Variants in TRA2A observed in about 807,000 individuals in gnomAD.
The protein encoded by TRA2A is transformer-2 protein homolog alpha.
Under a neutral mutation model 45.7 loss-of-function variants are expected in TRA2A, and 31 were observed. That is an observed-to-expected ratio of 0.68 (90% confidence interval 0.51 to 0.92). TRA2A has a LOEUF of 0.92. Among genes scored for constraint, TRA2A ranks in the 40% least tolerant of loss-of-function variants. The pLI is 0.00. For missense variants in TRA2A, 304 were observed against 367.5 expected, an observed-to-expected ratio of 0.83 and a Z score of 1.41; for synonymous variants, 132 against 126.2, an observed-to-expected ratio of 1.05 and a Z score of -0.31.
intron 1 of TRA2A, among the ~76,000 whole-genome samples, chr7:23,529,362 G>A (rs1422230494): frequency 6.6e-6 from 1 of 152,124 alleles, no homozygotes; most frequent in African/African-American, 2.4e-5. Context: ...CCAGGTTCAA[G>A]TAATTCTCCT....
Position 23,506,278 on chromosome 7 carries a change from T to C in TRA2A, c.642-12A>G. ...CACCCCCACCACTACTGCAGAAAAA[T>C]GTAAAAATTCTCCATTAGTGTGAAT... On this transcript the variant is annotated splice_polypyrimidine_tract_variant and intron_variant, in intron 5 of 7. Coordinates refer to ENST00000297071, the MANE Select transcript of TRA2A (RefSeq NM_013293.5). The C allele has an allele frequency of 2.6e-6, 4 of 1,557,650 alleles. No homozygotes were observed. Among genetic ancestry groups the C allele is most frequent in the Non-Finnish European group, 3.5e-6 (4 of 1,148,350 alleles).
In TRA2A at chr7:23,521,753, C is replaced by T. The variant is rs1790146748; in HGVS notation, c.124G>A (p.Val42Ile). 1.2e-6 allele frequency: 2 copies of T among 1,613,974 alleles called. No homozygotes were observed. Among genetic ancestry groups the T allele is most frequent in the South Asian group, 1.1e-5 (1 of 91,088 alleles). Residue 42 changes from valine (V) to isoleucine (I), a missense_variant, in exon 2 of 8, where the codon GTT becomes ATT. This residue lies in a region of TRA2A where 132 missense variants were observed against 113.4 expected (regional missense o/e 1.16). Coordinates refer to ENST00000297071, the MANE Select transcript of TRA2A (RefSeq NM_013293.5). ...SRSGSRSPSR[V>I]SKHSESHSRS... ...GAATGGGATTCAGAGTGTTTGGAAA[C>T]CCTTGATGGACTACGAGATCCTGAC... is the stretch of plus-strand genomic sequence containing the variant.
chr7:23,531,312 C>T (rs1296764377), intron 1 of TRA2A: 2 of 938,040 alleles, frequency 2.1e-6, no homozygotes, highest in African/African-American at 1.8e-5. Flanking sequence ...CAGCTAGTCC[C>T]ACGCCAGCTT....
rs1230663954 is a variant in TRA2A at position 23,505,297 on chromosome 7, T to C, written c.*262A>G. 2.8e-6 allele frequency: 1 copy of C among 359,000 alleles called. No individual in the cohort carries two copies. The highest frequency in any genetic ancestry group is 4.0e-5 in the East Asian group (1 of 24,954). 22.2% of individuals were successfully genotyped at this position (359,000 alleles called of 1,614,324 possible). A position where few individuals can be genotyped will look rare whatever the true frequency, so the allele number is the denominator to read the frequency against. ...ATCTAGGTAAAAGCAAAAAAAAAAATTTACAAAGCATAACATAACATTGGG... is the reference window on the plus strand; with the variant it reads ...ATCTAGGTAAAAGCAAAAAAAAAAACTTACAAAGCATAACATAACATTGGG... On this transcript the variant is annotated 3_prime_UTR_variant, in exon 8 of 8. Coordinates refer to ENST00000297071, the MANE Select transcript of TRA2A (RefSeq NM_013293.5).
At chr7:23,508,077 AGTCTAGTACAC>A (rs1370072835) in intron 4 of TRA2A, among the ~76,000 whole-genome samples, 1 of 152,112 alleles carries the variant, frequency 6.6e-6, no homozygotes, top group Admixed American at 6.6e-5. Context: ...TTTAGTTTGC[AGTCTAGTACAC>A]TGATTAAGAC....
rs937626409 is a variant in TRA2A at position 23,531,956 on chromosome 7, C to T, written c.-132G>A. 1 of 946,690 alleles carries T rather than the reference C, an allele frequency of 1.1e-6. No homozygotes were observed. Among genetic ancestry groups the T allele is most frequent in the Non-Finnish European group, 1.6e-6 (1 of 622,874 alleles). 58.6% of individuals were successfully genotyped at this position (946,690 alleles called of 1,614,324 possible). A position where few individuals can be genotyped will look rare whatever the true frequency, so the allele number is the denominator to read the frequency against. On this transcript the variant is annotated 5_prime_UTR_variant, in exon 1 of 8. Transcript: ENST00000297071. ...AACCACAGCCGCTCCACTCCACTCC[C>T]ACTCGGTCGCAGGCTCCAGCAAAAT...
At chr7:23,523,719 A>C (rs1489909421) in intron 1 of TRA2A, among the ~76,000 whole-genome samples, 1 of 152,210 alleles carries the variant, frequency 6.6e-6, no homozygotes, top group African/African-American at 2.4e-5. Flanking sequence ...TAAACCACTC[A>C]ACAGATGTCT....
intron 5 of TRA2A, 37 bp from the exon 6 acceptor site, chr7:23,506,303 T>G (rs1179863348): frequency 3.2e-6 from 5 of 1,548,638 alleles, no homozygotes; most frequent in African/African-American, 1.4e-5. Context: ...TTAGTGTGAA[T>G]GACTATTTTC....
intron 3 of TRA2A, among the ~76,000 whole-genome samples, chr7:23,516,137 C>G (rs1200745375): frequency 2.0e-5 from 3 of 151,934 alleles, no homozygotes; most frequent in Admixed American, 6.6e-5. Context: ...AAGACTTTGT[C>G]TAAAAAAAAG....
At chr7:23,511,519 A>G (rs747945161) in intron 4 of TRA2A, among the ~76,000 whole-genome samples, 7 of 151,828 alleles carry the variant, frequency 4.6e-5, no homozygotes, top group East Asian at 1.9e-4. Context: ...TAACAAAACT[A>G]AAAGTATTGA....
At chr7:23,509,731 C>CAAA (rs35279622) in intron 4 of TRA2A, among the ~76,000 whole-genome samples, 10 of 146,158 alleles carry the variant, frequency 6.8e-5, no homozygotes, top group South Asian at 2.2e-4. Context: ...GACTCCGTCT[C>CAAA]AAAAAAAAAA....
intron 1 of TRA2A, among the ~76,000 whole-genome samples, chr7:23,528,061 A>C (rs185621937): frequency 2.5e-4 from 38 of 152,340 alleles, no homozygotes; most frequent in Middle Eastern, 6.8e-3. Flanking sequence ...TATAAGAAAG[A>C]AAGCTTTACC....
chr7:23,507,664 T>C (rs759873234), intron 4 of TRA2A, 129 bp from the exon 5 acceptor site: 34 of 681,850 alleles, frequency 5.0e-5, no homozygotes, highest in Middle Eastern at 2.5e-4. Context: ...CAATGTAGCT[T>C]GTACAGGGCA....
At chr7:23,512,308 G>GT (rs2127993218) in intron 4 of TRA2A, among the ~76,000 whole-genome samples, 1 of 152,298 alleles carries the variant, frequency 6.6e-6, no homozygotes, top group Non-Finnish European at 1.5e-5. Context: ...GGGCAACATA[G>GT]TGAGACCTCA....
chr7:23,518,073 G>A (rs1040302279), intron 2 of TRA2A, among the ~76,000 whole-genome samples: 2 of 151,764 alleles, frequency 1.3e-5, no homozygotes, highest in Non-Finnish European at 2.9e-5. Context: ...CAGACAGCTA[G>A]GACTACAGGC....
Position 23,516,360 on chromosome 7 carries a change from T to C in TRA2A, c.336+3A>G. ...TCTTCATTAACTTTTATAAACCACG[T>C]ACCCTGCTGCCAGTATGTCTTCTCC... On this transcript the variant is annotated splice_donor_region_variant and intron_variant, in intron 3 of 7. Coordinates refer to ENST00000297071, the MANE Select transcript of TRA2A (RefSeq NM_013293.5). The C allele has an allele frequency of 6.2e-7, 1 of 1,614,132 alleles. No homozygotes were observed. The highest frequency in any genetic ancestry group is 2.2e-5 in the East Asian group (1 of 44,872).
chr7:23,528,449 G>A (rs976049831), intron 1 of TRA2A, among the ~76,000 whole-genome samples: 1 of 151,854 alleles, frequency 6.6e-6, no homozygotes, highest in Non-Finnish European at 1.5e-5. Context: ...CTTGTGATCC[G>A]CCCGCCTCAG....
chr7:23,530,136 A>G (rs1177962538), intron 1 of TRA2A, among the ~76,000 whole-genome samples: 1 of 152,168 alleles, frequency 6.6e-6, no homozygotes, highest in African/African-American at 2.4e-5. Context: ...TCTATCGATA[A>G]TTACTCAACA....
At chr7:23,505,977 C>G (rs942278989) in intron 6 of TRA2A, 161 bp downstream of exon 6, 6 of 732,398 alleles carry the variant, frequency 8.2e-6, no homozygotes, top group Non-Finnish European at 1.3e-5. Context: ...TATAGCACAA[C>G]AAAATACTGA....
Sources: gnomAD v4.1 joint callset for allele counts (sites outside exome capture counted in the v4.1 genomes callset) on GRCh38, gnomAD v4.1.1 for gene constraint, gnomAD v4.1.1 regional missense constraint, MANE v1.5 for transcripts, NCBI Gene and HGNC (gene_info 2026-07-23, HGNC 2026-07-21) for gene names.